The following STPG2 variants were observed in gnomAD, a reference collection of about 807,000 sequenced individuals.
STPG2 encodes the protein sperm tail PG-rich repeat containing 2.
In STPG2, 56 loss-of-function variants were observed where a neutral mutation model predicts 54.2. The ratio of observed to expected loss-of-function variants is 1.03; its 90% CI spans 0.83 to 1.29. The LOEUF is 1.29. Among genes scored for constraint, STPG2 ranks in the 50% most tolerant of loss-of-function variants. The probability of loss-of-function intolerance (pLI) is 0.00; values close to 1 mark genes in which losing one functional copy is unlikely to be tolerated. For missense variants in STPG2, 596 were observed against 544.9 expected, an observed-to-expected ratio of 1.09 and a Z score of -0.93; for synonymous variants, 200 against 181.8, an observed-to-expected ratio of 1.10 and a Z score of -0.81.
At chr4:98,071,252 A>G (rs2098934) in intron 5 of STPG2, among the ~76,000 whole-genome samples, 60,137 of 151,980 alleles carry the variant, frequency 0.4, 12,139 homozygotes, top group Middle Eastern at 0.46. Context: ...GAGAAGTCAG[A>G]AATAAGACTG....
At chr4:98,025,803 G>C in intron 5 of STPG2, 1 of 1,583,202 alleles carries the variant, frequency 6.3e-7, no homozygotes, top group African/African-American at 1.3e-5. Context: ...GGTCCGCCGG[G>C]TGCCTTTACC....
At position 97,553,730 on chromosome 4, in the gene STPG2, T is replaced by C. The variant is rs184031247; in HGVS notation, c.462+158969A>G. Among the ~76,000 whole-genome samples, 24 of 152,316 alleles carry C rather than the reference T, an allele frequency of 1.6e-4. No individual in the cohort carries two copies. The East Asian group carries it at 4.4e-3, about 28-fold the overall frequency. On this transcript the variant is annotated intron_variant, in intron 4 of 4. Coordinates refer to the STPG2 transcript ENST00000522676. ...TCAACTTGGTAAGACTATTTTGTCT[T>C]AGCCCAAGTCTGTCTAACAACAGCA...
intron 9 of STPG2, among the ~76,000 whole-genome samples, chr4:97,787,101 A>G (rs1726851097): frequency 6.6e-6 from 1 of 152,082 alleles, no homozygotes; most frequent in African/African-American, 2.4e-5. Context: ...AATTAGTTCT[A>G]GCAGCTTCTT....
intron 8 of STPG2, 86 bp from the exon 9 acceptor site, chr4:97,841,018 A>C: frequency 7.8e-7 from 1 of 1,290,116 alleles, no homozygotes; most frequent in South Asian, 1.5e-5. Context: ...TACAGTAAGC[A>C]ATGAATAGAA....
chr4:97,952,722 CT>C (rs1211122112), intron 7 of STPG2, among the ~76,000 whole-genome samples: 1 of 152,112 alleles, frequency 6.6e-6, no homozygotes, highest in Non-Finnish European at 1.5e-5. Context: ...TATAAATAGC[CT>C]TAGTGTGTTG....
intron 4 of STPG2, among the ~76,000 whole-genome samples, chr4:97,496,986 CT>C (rs370800861): frequency 0.12 from 16,347 of 135,808 alleles, 2,454 homozygotes; most frequent in African/African-American, 0.36. Context: ...CCATCTTTTC[CT>C]TTTTTTTTTT....
intron 5 of STPG2, among the ~76,000 whole-genome samples, chr4:98,016,228 TATA>T (rs1735941756): frequency 6.6e-6 from 1 of 152,184 alleles, no homozygotes; most frequent in East Asian, 1.9e-4. Context: ...AGAATTTGAT[TATA>T]ATGTTTTTGG....
At chr4:97,909,089 ACAAT>A (rs1731575469) in intron 8 of STPG2, among the ~76,000 whole-genome samples, 1 of 150,828 alleles carries the variant, frequency 6.6e-6, no homozygotes, top group African/African-American at 2.4e-5. Flanking sequence ...GCCCCAATAA[ACAAT>A]CAAAAGGCAA....
At chr4:97,835,091 C>T (rs185468) in intron 9 of STPG2, among the ~76,000 whole-genome samples, 88,591 of 151,906 alleles carry the variant, frequency 0.58, 26,403 homozygotes, top group East Asian at 0.74. Flanking sequence ...CTCATTCTAA[C>T]TCACAGGATT....
chr4:97,894,212 T>A (rs1291980166), intron 8 of STPG2, among the ~76,000 whole-genome samples: 2 of 151,960 alleles, frequency 1.3e-5, no homozygotes, highest in African/African-American at 2.4e-5. Flanking sequence ...ATTTTTCACA[T>A]GCCTTTTTTG....
chr4:97,932,664 G>C (rs1468674820), intron 8 of STPG2, among the ~76,000 whole-genome samples: 1 of 152,122 alleles, frequency 6.6e-6, no homozygotes, highest in Non-Finnish European at 1.5e-5. Context: ...ATGGCTTCCA[G>C]CTCCATCCAT....
At chr4:98,017,113 C>G (rs1490311288) in intron 5 of STPG2, among the ~76,000 whole-genome samples, 1 of 152,290 alleles carries the variant, frequency 6.6e-6, no homozygotes, top group East Asian at 1.9e-4. Flanking sequence ...TTTGTTGGAC[C>G]TGGAGCCTGA....
chr4:97,955,741 G>C (rs1002885363), intron 7 of STPG2, among the ~76,000 whole-genome samples: 2 of 152,050 alleles, frequency 1.3e-5, no homozygotes, highest in Non-Finnish European at 2.9e-5. Context: ...CACATCAAAG[G>C]TTAAAAACCA....
chr4:98,081,848 G>GC (rs1173838037), intron 5 of STPG2, among the ~76,000 whole-genome samples: 4 of 152,102 alleles, frequency 2.6e-5, no homozygotes, highest in African/African-American at 9.7e-5. Context: ...TATAAACTTA[G>GC]CAAAGGAAGC....
chr4:97,746,086 G>T (rs1241951972), intron 9 of STPG2, among the ~76,000 whole-genome samples: 1 of 151,034 alleles, frequency 6.6e-6, no homozygotes, highest in Non-Finnish European at 1.5e-5. Flanking sequence ...TCTCTCCACA[G>T]ATGGTCATTT....
intron 9 of STPG2, among the ~76,000 whole-genome samples, chr4:97,736,088 G>A (rs1421423838): frequency 6.6e-6 from 1 of 152,166 alleles, no homozygotes; most frequent in Non-Finnish European, 1.5e-5. Context: ...TACACTGTTG[G>A]TGGAAATGTA....
intron 5 of STPG2, among the ~76,000 whole-genome samples, chr4:98,021,842 C>T (rs563758622): frequency 6.6e-6 from 1 of 151,954 alleles, no homozygotes; most frequent in South Asian, 2.1e-4. Context: ...ATTGCAACCC[C>T]TGCCTTTTTT....
At chr4:98,129,497 A>T (rs1739924202) in intron 2 of STPG2, among the ~76,000 whole-genome samples, 1 of 152,192 alleles carries the variant, frequency 6.6e-6, no homozygotes, top group Admixed American at 6.5e-5. Flanking sequence ...ATTATATATA[A>T]ATGTATAAAG....
At chr4:97,504,394 T>C (rs569585143) in intron 4 of STPG2, among the ~76,000 whole-genome samples, 79 of 151,584 alleles carry the variant, frequency 5.2e-4, no homozygotes, top group African/African-American at 1.9e-3. Context: ...CAAAATTACA[T>C]TTCTGCAATT....
Sources: gnomAD v4.1 joint callset for allele counts (sites outside exome capture counted in the v4.1 genomes callset) on GRCh38, gnomAD v4.1.1 for gene constraint, MANE v1.5 for transcripts, NCBI Gene and HGNC (gene_info 2026-07-23, HGNC 2026-07-21) for gene names.